NUP35: variants seen among roughly 807,000 people sequenced by gnomAD.
NUP35 encodes nucleoporin 35, also known as nucleoporin NUP35.
In NUP35, 25 loss-of-function variants were observed where a neutral mutation model predicts 41.5. The ratio of observed to expected loss-of-function variants is 0.60; its 90% CI spans 0.44 to 0.84. The LOEUF is 0.84. Among genes scored for constraint, NUP35 ranks in the 40% least tolerant of loss-of-function variants. The pLI, the probability that NUP35 is intolerant of heterozygous loss-of-function variation, is 0.00. For missense variants in NUP35, 396 were observed against 396.6 expected, an observed-to-expected ratio of 1.00 and a Z score of 0.01; for synonymous variants, 149 against 130.7, an observed-to-expected ratio of 1.14 and a Z score of -0.96.
At chr2:183,140,106 A>C (rs1685034288) in intron 4 of NUP35, among the ~76,000 whole-genome samples, 1 of 152,230 alleles carries the variant, frequency 6.6e-6, no homozygotes. Flanking sequence ...ATCACAAATT[A>C]ATATCTTAAA....
At chr2:183,152,584 T>C (rs769154829) in intron 5 of NUP35, among the ~76,000 whole-genome samples, 12 of 152,236 alleles carry the variant, frequency 7.9e-5, no homozygotes, top group Non-Finnish European at 1.8e-4. Flanking sequence ...TGAGTTACTT[T>C]ACTTAGAATA....
At chr2:183,124,576 TCGTC>T in intron 1 of NUP35, 79 bp downstream of exon 1, 1 of 1,562,754 alleles carries the variant, frequency 6.4e-7, no homozygotes, top group South Asian at 1.1e-5. Flanking sequence ...TGAAAGGCAG[TCGTC>T]AGGCTCTCGT....
At chr2:183,126,310 TGC>T (rs1284376204) in intron 1 of NUP35, among the ~76,000 whole-genome samples, 1 of 152,234 alleles carries the variant, frequency 6.6e-6, no homozygotes, top group African/African-American at 2.4e-5. Context: ...ATTAGAGGCT[TGC>T]GCCTTCTACT....
At chr2:183,157,369 A>G (rs914140024) in intron 5 of NUP35, 75 bp from the exon 6 acceptor site, 1 of 1,086,458 alleles carries the variant, frequency 9.2e-7, no homozygotes, top group Non-Finnish European at 1.4e-6. Flanking sequence ...TTATCTTGAA[A>G]CATTATCTTG....
chr2:183,124,195 G>A (rs1559139819), upstream of NUP35, among the ~76,000 whole-genome samples: 1 of 152,182 alleles, frequency 6.6e-6, no homozygotes, highest in Non-Finnish European at 1.5e-5. Context: ...CACAAATCAG[G>A]AAGCATTCCC....
intron 4 of NUP35, among the ~76,000 whole-genome samples, chr2:183,144,617 C>T (rs1387571381): frequency 6.6e-6 from 1 of 152,130 alleles, no homozygotes; most frequent in Non-Finnish European, 1.5e-5. Context: ...CTGCTTTAAT[C>T]CAGTCTTAGG....
intron 7 of NUP35, among the ~76,000 whole-genome samples, chr2:183,158,903 A>G (rs1427308155): frequency 2.0e-5 from 3 of 152,186 alleles, no homozygotes; most frequent in Non-Finnish European, 4.4e-5. Flanking sequence ...ATTAAATAGT[A>G]CAGAGTACAA....
At chr2:183,144,871 G>A (rs533829198) in intron 4 of NUP35, among the ~76,000 whole-genome samples, 2 of 152,264 alleles carry the variant, frequency 1.3e-5, no homozygotes, top group East Asian at 3.9e-4. Flanking sequence ...AGTTGACAGG[G>A]CAAAAATTAG....
At position 183,161,279 on chromosome 2, in the gene NUP35, C is replaced by G. The variant is rs999649704; in HGVS notation, c.*148C>G. 1.1e-4 allele frequency: 53 copies of G among 497,368 alleles called. No homozygotes were observed. Among genetic ancestry groups the G allele is most frequent in the Non-Finnish European group, 1.7e-4 (46 of 273,176 alleles). The allele number at this position is 497,368 out of a possible 1,614,324, so 30.8% of individuals were successfully genotyped here. The stretch of plus-strand genomic sequence containing the variant: ...GAAGCCTTTTTCATTAAGGATACAA[C>G]CTATTTGTAGCTCGCACTTTAAAAG... On this transcript the variant is annotated 3_prime_UTR_variant, in exon 9 of 9. Coordinates refer to ENST00000295119, the MANE Select transcript of NUP35 (RefSeq NM_138285.5).
At chr2:183,138,550 A>G (rs1427596509) in intron 4 of NUP35, among the ~76,000 whole-genome samples, 3 of 151,998 alleles carry the variant, frequency 2.0e-5, no homozygotes, top group Admixed American at 6.6e-5. Context: ...GGAAATCTGG[A>G]TTAAAGAATA....
intron 4 of NUP35, among the ~76,000 whole-genome samples, chr2:183,143,488 C>T (rs903277085): frequency 1.3e-5 from 2 of 152,182 alleles, no homozygotes; most frequent in African/African-American, 4.8e-5. Context: ...TATGCCTAAG[C>T]TGGTGTTCTG....
chr2:183,131,877 T>G (rs1575115987), intron 3 of NUP35, among the ~76,000 whole-genome samples: 2 of 152,312 alleles, frequency 1.3e-5, no homozygotes, highest in Admixed American at 1.3e-4. Context: ...TGGATAGATA[T>G]CCTGGTCTGG....
chr2:183,156,179 C>T (rs1419243563), intron 5 of NUP35, among the ~76,000 whole-genome samples: 3 of 152,164 alleles, frequency 2.0e-5, no homozygotes, highest in African/African-American at 4.8e-5. Context: ...CCCTCACTTG[C>T]AGCCATTCTT....
In NUP35 at chr2:183,151,540, C is replaced by G. The variant is rs774720377; in HGVS notation, c.430C>G (p.Gln144Glu). The G allele has an allele frequency of 7.4e-6, 12 of 1,613,838 alleles. No homozygotes were observed. In the Admixed American group the frequency reaches 1.2e-4, roughly 16 times the overall value. ...QSMFSPASIG[Q>E]PRKTTLSPAQ... ...TATGTTTAGTCCAGCAAGTATCGGT[C>G]AGCCACGAAAGACGACATTATCTCC... The change falls in exon 5 of 9, where the codon CAG becomes GAG. Residue 144 changes from glutamine (Q) to glutamate (E), a missense_variant. Physicochemically the swap from Gln to Glu is conservative, Grantham distance 29. Coordinates refer to ENST00000295119, the MANE Select transcript of NUP35 (RefSeq NM_138285.5).
intron 4 of NUP35, among the ~76,000 whole-genome samples, chr2:183,145,571 T>TA (rs1286966699): frequency 1.3e-5 from 2 of 152,190 alleles, no homozygotes; most frequent in Non-Finnish European, 2.9e-5. Flanking sequence ...TTTGTACAAA[T>TA]AAAAAGCTAT....
intron 4 of NUP35, among the ~76,000 whole-genome samples, chr2:183,146,623 G>A (rs1233507204): frequency 6.6e-6 from 1 of 151,108 alleles, no homozygotes; most frequent in Admixed American, 6.6e-5. Context: ...TTTTAAGTTG[G>A]AGTCTCACTG....
At chr2:183,152,156 A>ACACACACACACCCAG (rs56941373) in intron 5 of NUP35, among the ~76,000 whole-genome samples, 1 of 139,658 alleles carries the variant, frequency 7.2e-6, no homozygotes, top group Non-Finnish European at 1.5e-5. Flanking sequence ...CACACACACA[A>ACACACACACACCCAG]TGTCACAGGG....
chr2:183,133,338 T>TTA (rs1553529592), intron 3 of NUP35, among the ~76,000 whole-genome samples: 6 of 141,714 alleles, frequency 4.2e-5, no homozygotes, highest in Non-Finnish European at 9.2e-5. Flanking sequence ...TTTTTTTTTT[T>TTA]AACATAATAT....
At position 183,155,703 on chromosome 2, in the gene NUP35, T is replaced by C. The variant is rs76762459; in HGVS notation, c.540-1741T>C. Among the ~76,000 whole-genome samples the C allele has an allele frequency of 8.6e-3, 1,305 of 151,964 alleles. 18 individuals are homozygous for C. Among genetic ancestry groups the C allele is most frequent in the African/African-American group, 0.03 (1,227 of 41,398 alleles). On this transcript the variant is annotated intron_variant, in intron 5 of 8. Transcript: ENST00000295119. The stretch of plus-strand genomic sequence containing the variant: ...CCTTCTACCTCAGCCTCATGAGTAG[T>C]TGGGATAACAGGCATGAGCCAGCTT...
Sources: gnomAD v4.1 joint callset for allele counts (sites outside exome capture counted in the v4.1 genomes callset) on GRCh38, gnomAD v4.1.1 for gene constraint, MANE v1.5 for transcripts, NCBI Gene and HGNC (gene_info 2026-07-23, HGNC 2026-07-21) for gene names.